SLC14A2: variants seen among roughly 807,000 people sequenced by gnomAD.
SLC14A2 encodes the protein solute carrier family 14 member 2, also known as urea transporter 2.
A neutral mutation model predicts 104.6 loss-of-function variants in SLC14A2; 91 were observed. That is an observed-to-expected ratio of 0.87 (90% CI 0.73 to 1.04). SLC14A2 has a LOEUF of 1.04. SLC14A2 is among the 50% of genes least tolerant of loss of function. The pLI, the probability that SLC14A2 is intolerant of heterozygous loss-of-function variation, is 0.00. For synonymous variants in SLC14A2, 476 were observed against 466.4 expected (o/e 1.02, Z -0.27); for missense variants, 1,189 against 1,156.0 (o/e 1.03, Z -0.41).
intron 1 of SLC14A2, among the ~76,000 whole-genome samples, chr18:45,376,364 G>C (rs2085774940): frequency 1.3e-5 from 2 of 152,180 alleles, no homozygotes; most frequent in Non-Finnish European, 2.9e-5. Context: ...AGTATATTAA[G>C]TCATAAGCCT....
intron 11 of SLC14A2, among the ~76,000 whole-genome samples, chr18:45,665,534 AAAAAAC>A (rs1182554071): frequency 6.6e-6 from 1 of 152,076 alleles, no homozygotes; most frequent in Non-Finnish European, 1.5e-5. Context: ...CAATACCTTA[AAAAAAC>A]AAAAACAAAA....
intron 1 of SLC14A2, among the ~76,000 whole-genome samples, chr18:45,387,966 A>C (rs1415243319): frequency 6.7e-6 from 1 of 149,554 alleles, no homozygotes; most frequent in East Asian, 2.0e-4. Context: ...AGGTCAGGTT[A>C]TGTGCAAAGG....
At chr18:45,651,656 C>T (rs534057597) in intron 10 of SLC14A2, among the ~76,000 whole-genome samples, 3 of 152,238 alleles carry the variant, frequency 2.0e-5, no homozygotes, top group South Asian at 2.1e-4. Context: ...GTAACCAGAC[C>T]GGATTACCAC....
intron 1 of SLC14A2, among the ~76,000 whole-genome samples, chr18:45,402,066 A>G (rs1345729554): frequency 6.6e-6 from 1 of 152,118 alleles, no homozygotes; most frequent in Non-Finnish European, 1.5e-5. Flanking sequence ...AGGAAGCCAA[A>G]TCCCCCTCTA....
intron 2 of SLC14A2, among the ~76,000 whole-genome samples, chr18:45,580,173 A>ATT (rs2044469366): frequency 6.6e-6 from 1 of 152,250 alleles, no homozygotes; most frequent in African/African-American, 2.4e-5. Flanking sequence ...TGTGTAGGAA[A>ATT]TGAGACAAAG....
chr18:45,168,208 G>A, the SLC14A2 span, among the ~76,000 whole-genome samples: 1 of 152,062 alleles, frequency 6.6e-6, no homozygotes, highest in African/African-American at 2.4e-5. Context: ...TTTCTCTTAA[G>A]GTAACGTATA....
chr18:45,486,333 C>T (rs1433678496), intron 2 of SLC14A2, among the ~76,000 whole-genome samples: 3 of 151,756 alleles, frequency 2.0e-5, no homozygotes, highest in African/African-American at 4.8e-5. Flanking sequence ...TTTTATTATA[C>T]ATTCTCCTGA....
At chr18:45,452,401 T>G (rs2086872378) in intron 1 of SLC14A2, among the ~76,000 whole-genome samples, 1 of 152,186 alleles carries the variant, frequency 6.6e-6, no homozygotes, top group Non-Finnish European at 1.5e-5. Flanking sequence ...CCACTTGACT[T>G]TACATACTAT....
chr18:45,168,970 A>G, the SLC14A2 span: 1 of 152,228 alleles, frequency 6.6e-6, no homozygotes, highest in Non-Finnish European at 1.5e-5. Flanking sequence ...GACAGGGGTC[A>G]TGCCTGTTTC....
At chr18:45,190,695 C>T in the SLC14A2 span, among the ~76,000 whole-genome samples, 3 of 152,178 alleles carry the variant, frequency 2.0e-5, no homozygotes, top group Admixed American at 2.0e-4. Context: ...ACGAAGTCTA[C>T]CCCGCCAGTT....
intron 1 of SLC14A2, among the ~76,000 whole-genome samples, chr18:45,305,414 A>G (rs2085009215): frequency 6.6e-6 from 1 of 152,208 alleles, no homozygotes; most frequent in South Asian, 2.1e-4. Context: ...ATTCACTTAG[A>G]GTGGGACTCT....
chr18:45,548,391 T>C (rs1374457558), intron 2 of SLC14A2, among the ~76,000 whole-genome samples: 1 of 152,148 alleles, frequency 6.6e-6, no homozygotes, highest in Non-Finnish European at 1.5e-5. Context: ...AAAAGAGTAG[T>C]AGAGGAACTT....
chr18:45,607,183 T>A (rs1160334450), intron 2 of SLC14A2, among the ~76,000 whole-genome samples: 4 of 152,204 alleles, frequency 2.6e-5, no homozygotes, highest in African/African-American at 9.7e-5. Flanking sequence ...GCCAGAGGGT[T>A]TGGTATGTAA....
At position 45,247,908 on chromosome 18, in the gene SLC14A2, A is replaced by G. The variant is rs138711951; in HGVS notation, c.-125+34717A>G. 2.7e-3 allele frequency among the ~76,000 whole-genome samples: 415 copies of G among 152,200 alleles called. 3 individuals are homozygous for G. The highest frequency in any genetic ancestry group is 8.9e-3 in the African/African-American group (370 of 41,518). On this transcript the variant is annotated intron_variant, in intron 1 of 20. Transcript: ENST00000586448. The stretch of plus-strand genomic sequence containing the variant: ...ATTGATGAGAGAGGAAGGTGGTGGA[A>G]TTACAATTCCTGATTCCTGGTGTCC...
intron 2 of SLC14A2, among the ~76,000 whole-genome samples, chr18:45,563,212 C>A (rs938519876): frequency 6.6e-6 from 1 of 152,130 alleles, no homozygotes; most frequent in Non-Finnish European, 1.5e-5. Flanking sequence ...AGACCTGCAT[C>A]CCCCACTGGC....
intron 1 of SLC14A2, among the ~76,000 whole-genome samples, chr18:45,384,319 T>C (rs1164669466): frequency 6.6e-6 from 1 of 152,170 alleles, no homozygotes; most frequent in Non-Finnish European, 1.5e-5. Flanking sequence ...AATAGCAGCA[T>C]GGCATTGTGG....
At chr18:45,403,306 G>A (rs546843335) in intron 1 of SLC14A2, among the ~76,000 whole-genome samples, 13 of 152,254 alleles carry the variant, frequency 8.5e-5, no homozygotes, top group South Asian at 4.1e-4. Flanking sequence ...TCTATCTTCA[G>A]ATACAGTCAC....
chr18:45,340,107 C>T (rs939981542), intron 1 of SLC14A2, among the ~76,000 whole-genome samples: 2 of 152,174 alleles, frequency 1.3e-5, no homozygotes, highest in African/African-American at 4.8e-5. Context: ...TTTCATTATG[C>T]TTTGATTAAT....
the SLC14A2 span, among the ~76,000 whole-genome samples, chr18:45,197,452 A>G: frequency 6.6e-6 from 1 of 152,184 alleles, no homozygotes. Context: ...TCTATAAACA[A>G]GGAAGATATT....
Sources: allele counts gnomAD v4.1 joint callset (sites outside exome capture counted in the v4.1 genomes callset), GRCh38; gene constraint gnomAD v4.1.1; transcripts MANE v1.5; gene names NCBI Gene and HGNC (gene_info 2026-07-23, HGNC 2026-07-21).